The following SHISA9 variants were observed in gnomAD, a reference collection of about 807,000 sequenced individuals.
SHISA9 encodes shisa family member 9.
In SHISA9, 13 loss-of-function variants were observed where a neutral mutation model predicts 38.0. That is an observed-to-expected ratio of 0.34 (90% CI 0.22 to 0.54). The LOEUF is 0.54. Among genes scored for constraint, SHISA9 ranks in the 20% least tolerant of loss-of-function variants. The pLI, the probability that SHISA9 is intolerant of heterozygous loss-of-function variation, is 0.91. For synonymous variants in SHISA9, 275 were observed against 242.0 expected (o/e 1.14, Z -1.27); for missense variants, 538 against 575.8 (o/e 0.93, Z 0.67).
downstream of SHISA9, chr16:13,240,480 A>C (rs1407603758): frequency 6.6e-6 from 1 of 152,214 alleles, no homozygotes; most frequent in African/African-American, 2.4e-5. Flanking sequence ...TTCACCAGGG[A>C]ACACCAATAT....
chr16:13,319,421 A>C, the SHISA9 span, among the ~76,000 whole-genome samples: 1 of 152,328 alleles, frequency 6.6e-6, no homozygotes, highest in African/African-American at 2.4e-5. Flanking sequence ...AAACAAATAT[A>C]TTAGTCGTCA....
the SHISA9 span, among the ~76,000 whole-genome samples, chr16:13,496,570 G>C: frequency 6.7e-6 from 1 of 149,664 alleles, no homozygotes; most frequent in African/African-American, 2.4e-5. Flanking sequence ...TAGGTCATGA[G>C]AAAAAAAAAT....
At chr16:13,218,626 C>G (rs1297280612) in intron 4 of SHISA9, among the ~76,000 whole-genome samples, 5 of 152,194 alleles carry the variant, frequency 3.3e-5, no homozygotes, top group African/African-American at 9.6e-5. Flanking sequence ...GTTCCTTCAT[C>G]TGTCACGTGG....
At chr16:13,523,474 A>G in the SHISA9 span, among the ~76,000 whole-genome samples, 1 of 152,164 alleles carries the variant, frequency 6.6e-6, no homozygotes, top group Non-Finnish European at 1.5e-5. Context: ...ATAAGAAGAG[A>G]GACTTAATTC....
At chr16:12,922,177 G>GC (rs915927644) in intron 2 of SHISA9, among the ~76,000 whole-genome samples, 1 of 152,204 alleles carries the variant, frequency 6.6e-6, no homozygotes, top group African/African-American at 2.4e-5. Context: ...TGAAAGATAT[G>GC]CTAAGTAAAT....
At chr16:13,034,292 G>T (rs2073027354) in intron 2 of SHISA9, among the ~76,000 whole-genome samples, 1 of 152,164 alleles carries the variant, frequency 6.6e-6, no homozygotes, top group African/African-American at 2.4e-5. Context: ...GGGTAGGGGT[G>T]ATGAGCACCA....
At position 13,102,026 on chromosome 16, in the gene SHISA9, G is replaced by A. The variant is rs190049548; in HGVS notation, c.692-101368G>A. Among the ~76,000 whole-genome samples the A allele has an allele frequency of 6.6e-5, 10 of 152,276 alleles. No individual in the cohort carries two copies. In the East Asian group the frequency reaches 1.5e-3, roughly 24 times the overall value. The stretch of plus-strand genomic sequence containing the variant: ...AGAATGGCTGCCTCTTGCAGGTGCA[G>A]GTGTGTGCTCCCTACTCACCCAGCA... On this transcript the variant is annotated intron_variant, in intron 2 of 4. Coordinates refer to ENST00000558583, the MANE Select transcript of SHISA9 (RefSeq NM_001145204.3).
rs1025095095 is a variant in SHISA9, at chr16:13,183,279, C to T, written c.692-20115C>T. Reference sequence around the variant, plus strand: ...TGAGAGAGGGAGATATTGTGATGGTCATCTTCAGAAAATACAATCTGCCAC... The same window carrying T: ...TGAGAGAGGGAGATATTGTGATGGTTATCTTCAGAAAATACAATCTGCCAC... On this transcript the variant is annotated intron_variant, in intron 2 of 4. Transcript: ENST00000558583. Among the ~76,000 whole-genome samples the T allele has an allele frequency of 7.2e-5, 11 of 152,214 alleles. No homozygotes were observed. The South Asian group carries it at 2.3e-3, about 32-fold the overall frequency.
At chr16:13,442,164 T>A in the SHISA9 span, among the ~76,000 whole-genome samples, 3 of 152,328 alleles carry the variant, frequency 2.0e-5, no homozygotes, top group Admixed American at 6.5e-5. Context: ...CTGTTAGACC[T>A]CCTAGTTTTG....
At chr16:13,473,679 T>C in the SHISA9 span, among the ~76,000 whole-genome samples, 1 of 152,174 alleles carries the variant, frequency 6.6e-6, no homozygotes, top group African/African-American at 2.4e-5. Context: ...CTAACAGTTA[T>C]CCCTCCCACT....
intron 2 of SHISA9, among the ~76,000 whole-genome samples, chr16:12,927,406 T>C (rs1372433407): frequency 6.6e-6 from 1 of 152,164 alleles, no homozygotes; most frequent in East Asian, 1.9e-4. Context: ...TTTTACTTAC[T>C]TATTTATCTG....
chr16:13,160,660 C>A (rs182284273), intron 2 of SHISA9, among the ~76,000 whole-genome samples: 2 of 152,278 alleles, frequency 1.3e-5, no homozygotes, highest in East Asian at 1.9e-4. Context: ...TTTTATTATG[C>A]GCTCTTTGGG....
the SHISA9 span, among the ~76,000 whole-genome samples, chr16:13,300,509 C>T: frequency 6.6e-6 from 1 of 152,054 alleles, no homozygotes; most frequent in Admixed American, 6.5e-5. Context: ...TACTCAAAGT[C>T]TCATTTATTA....
the SHISA9 span, among the ~76,000 whole-genome samples, chr16:13,434,419 G>GTTT: frequency 1.9e-4 from 12 of 64,562 alleles, 2 homozygotes; most frequent in African/African-American, 3.3e-4. Flanking sequence ...GACAAGCTAT[G>GTTT]TTTTTTTTTT....
At chr16:13,320,691 T>C in the SHISA9 span, among the ~76,000 whole-genome samples, 1 of 152,230 alleles carries the variant, frequency 6.6e-6, no homozygotes, top group African/African-American at 2.4e-5. Context: ...GAAATCAATG[T>C]CTTCTTACCC....
chr16:13,458,663 A>C, the SHISA9 span: 5 of 320,248 alleles, frequency 1.6e-5, no homozygotes, highest in Non-Finnish European at 3.0e-5. Context: ...AAAGCAGAAG[A>C]GGCAGAATAA....
rs151316325 is a variant in SHISA9 at position 13,064,181 on chromosome 16, A to C, written c.692-139213A>C. 8.4e-3 allele frequency among the ~76,000 whole-genome samples: 1,282 copies of C among 152,296 alleles called. 13 individuals carry two copies. Among genetic ancestry groups the C allele is most frequent in the African/African-American group, 0.029 (1,212 of 41,560 alleles). Reference sequence around the variant, plus strand: ...CAGCCTCCAGAGTGTATTTTGACTCAACTTTTGCACTGAGAGCCAAGATTT... The same window carrying C: ...CAGCCTCCAGAGTGTATTTTGACTCCACTTTTGCACTGAGAGCCAAGATTT... On this transcript the variant is annotated intron_variant, in intron 2 of 4. Coordinates refer to ENST00000558583, the MANE Select transcript of SHISA9 (RefSeq NM_001145204.3).
chr16:13,226,977 A>C (rs1290410240), intron 4 of SHISA9, among the ~76,000 whole-genome samples: 1 of 152,214 alleles, frequency 6.6e-6, no homozygotes, highest in Non-Finnish European at 1.5e-5. Flanking sequence ...TAAGAGCTGC[A>C]AAGTATTTTG....
intron 2 of SHISA9, among the ~76,000 whole-genome samples, chr16:12,974,722 A>G (rs1381024271): frequency 6.6e-6 from 1 of 151,910 alleles, no homozygotes; most frequent in Non-Finnish European, 1.5e-5. Context: ...ACCTCAGGTG[A>G]TCCACCTGCC....
Sources: allele counts gnomAD v4.1 joint callset (sites outside exome capture counted in the v4.1 genomes callset), GRCh38; gene constraint gnomAD v4.1.1; transcripts MANE v1.5; gene names NCBI Gene and HGNC (gene_info 2026-07-23, HGNC 2026-07-21).